Variants in HFM1 observed in about 807,000 individuals in gnomAD.
HFM1 encodes the protein probable ATP-dependent DNA helicase HFM1.
Under a neutral mutation model 192.1 loss-of-function variants are expected in HFM1, and 169 were observed. The ratio of observed to expected loss-of-function variants is 0.88; its 90% confidence interval spans 0.78 to 1.00. The LOEUF is 1.00. Among genes scored for constraint, HFM1 ranks in the 50% least tolerant of loss-of-function variants. The pLI is 0.00. For synonymous variants in HFM1, 525 were observed against 537.8 expected, an observed-to-expected ratio of 0.98 and a Z score of 0.33; for missense variants, 1,661 against 1,668.0, an observed-to-expected ratio of 1.00 and a Z score of 0.07.
intron 33 of HFM1, 76 bp from the exon 34 acceptor site, chr1:91,273,891 A>G (rs1570737154): frequency 1.3e-6 from 1 of 777,054 alleles, no homozygotes; most frequent in Non-Finnish European, 2.1e-6. Flanking sequence ...ATTTATTCAT[A>G]TAAACAAAAA....
intron 20 of HFM1, among the ~76,000 whole-genome samples, chr1:91,333,285 TCC>T (rs1301894369): frequency 6.6e-6 from 1 of 152,118 alleles, no homozygotes; most frequent in African/African-American, 2.4e-5. Context: ...AAGAATGAGA[TCC>T]TATCATTTGC....
chr1:91,265,579 AC>A lies in HFM1; in HGVS notation c.3974+437del, dbSNP rs548958789. ...AAGCCCTTACAATAAGACTTCAGCA[AC>A]AGACTTTGTGCTGTGGCCACACATA... On this transcript the variant is annotated intron_variant, in intron 36 of 38. Coordinates refer to ENST00000370425, the MANE Select transcript of HFM1 (RefSeq NM_001017975.6). Among the ~76,000 whole-genome samples the A allele has an allele frequency of 1.1e-4, 17 of 152,322 alleles. 1 individual carries two copies. The highest frequency in any genetic ancestry group is 1.1e-3 in the Admixed American group (17 of 15,294).
intron 13 of HFM1, among the ~76,000 whole-genome samples, chr1:91,364,628 A>ATTTT (rs1407868515): frequency 3.0e-3 from 178 of 59,210 alleles, no homozygotes; most frequent in East Asian, 5.1e-3. Context: ...ATATATATAT[A>ATTTT]TATATTTTTT....
chr1:91,339,217 T>G (rs2101609851), intron 20 of HFM1, among the ~76,000 whole-genome samples: 1 of 151,792 alleles, frequency 6.6e-6, no homozygotes, highest in Admixed American at 6.5e-5. Context: ...GCAAGAACCC[T>G]GGCAACTCAA....
chr1:91,398,016 T>C (rs529625731), intron 2 of HFM1, among the ~76,000 whole-genome samples: 3 of 152,300 alleles, frequency 2.0e-5, no homozygotes, highest in African/African-American at 7.2e-5. Context: ...AACCACACTA[T>C]TTGTATAAAC....
At chr1:91,394,843 C>T (rs1663457172) in intron 3 of HFM1, among the ~76,000 whole-genome samples, 1 of 151,920 alleles carries the variant, frequency 6.6e-6, no homozygotes, top group Admixed American at 6.6e-5. Flanking sequence ...AATCTTGCTT[C>T]TAAAATCAAA....
At chr1:91,341,292 A>G (rs1200700800) in intron 20 of HFM1, among the ~76,000 whole-genome samples, 1 of 152,202 alleles carries the variant, frequency 6.6e-6, no homozygotes, top group Non-Finnish European at 1.5e-5. Context: ...TTTCAAAGCC[A>G]TACAATTACA....
chr1:91,360,221 C>A (rs1571096489), intron 13 of HFM1, among the ~76,000 whole-genome samples: 1 of 152,102 alleles, frequency 6.6e-6, no homozygotes, highest in Admixed American at 6.5e-5. Flanking sequence ...TGTAAATGGG[C>A]TAAATGCCCC....
chr1:91,378,540 A>G, intron 9 of HFM1, 60 bp from the exon 10 acceptor site: 1 of 1,016,042 alleles, frequency 9.8e-7, no homozygotes, highest in Non-Finnish European at 1.5e-6. Flanking sequence ...AATAAATATT[A>G]AGATATCAAA....
At chr1:91,341,467 T>A (rs1655327106) in intron 20 of HFM1, among the ~76,000 whole-genome samples, 1 of 152,016 alleles carries the variant, frequency 6.6e-6, no homozygotes, top group South Asian at 2.1e-4. Context: ...CACTAAATGC[T>A]CACATCAAAA....
chr1:91,358,777 T>TG lies in HFM1; in HGVS notation c.1686-5479dup, dbSNP rs35928832. 3.2e-3 allele frequency among the ~76,000 whole-genome samples: 491 copies of TG among 152,220 alleles called. 1 individual carries two copies. Among genetic ancestry groups the TG allele is most frequent in the Non-Finnish European group, 3.4e-3 (231 of 68,012 alleles). ...CAAAAAAACAGTCAGACTGTTTCTTTGGGGGGGTCCCTGATCCTGTTCCAC... is the reference window on the plus strand; with the variant it reads ...CAAAAAAACAGTCAGACTGTTTCTTTGGGGGGGGTCCCTGATCCTGTTCCAC... On this transcript the variant is annotated intron_variant, in intron 13 of 38. Coordinates refer to ENST00000370425, the MANE Select transcript of HFM1 (RefSeq NM_001017975.6).
At chr1:91,287,692 T>C (rs367555) in intron 30 of HFM1, among the ~76,000 whole-genome samples, 4 of 151,844 alleles carry the variant, frequency 2.6e-5, no homozygotes, top group African/African-American at 7.3e-5. Flanking sequence ...AGAGAAGAAG[T>C]CTTCAGACGA....
intron 7 of HFM1, among the ~76,000 whole-genome samples, 174 bp downstream of exon 7, chr1:91,380,738 C>T (rs1162074255): frequency 6.6e-6 from 1 of 152,004 alleles, no homozygotes; most frequent in Non-Finnish European, 1.5e-5. Context: ...CAAACAAATC[C>T]ACCTATGAAA....
chr1:91,336,323 T>G (rs1654571825), intron 20 of HFM1, among the ~76,000 whole-genome samples: 1 of 150,166 alleles, frequency 6.7e-6, no homozygotes, highest in Non-Finnish European at 1.5e-5. Context: ...CATCCTTCCT[T>G]CCTCTCATAC....
chr1:91,300,143 A>G (rs1168505620), intron 30 of HFM1, among the ~76,000 whole-genome samples: 1 of 152,192 alleles, frequency 6.6e-6, no homozygotes, highest in African/African-American at 2.4e-5. Context: ...CCATCAGAGA[A>G]TACTATAAAC....
chr1:91,355,093 G>C (rs956717783), intron 13 of HFM1, among the ~76,000 whole-genome samples: 8 of 152,000 alleles, frequency 5.3e-5, no homozygotes, highest in Admixed American at 2.0e-4. Flanking sequence ...ATAAATTGTG[G>C]GGGGAGGGCA....
chr1:91,306,035 T>C (rs772858706), intron 30 of HFM1, among the ~76,000 whole-genome samples: 1 of 152,136 alleles, frequency 6.6e-6, no homozygotes, highest in Non-Finnish European at 1.5e-5. Flanking sequence ...AGATATTCTT[T>C]ATATTTAAGA....
intron 4 of HFM1, among the ~76,000 whole-genome samples, chr1:91,390,621 A>G (rs951814930): frequency 2.0e-5 from 3 of 152,200 alleles, no homozygotes; most frequent in Non-Finnish European, 4.4e-5. Flanking sequence ...AATAAGAGCT[A>G]TTTATGACAG....
chr1:91,306,339 A>AAAAAC (rs565935704), intron 30 of HFM1, among the ~76,000 whole-genome samples: 5 of 152,340 alleles, frequency 3.3e-5, no homozygotes, highest in South Asian at 2.1e-4. Context: ...TCTCAAAAAC[A>AAAAAC]AAAACAAAAC....
Sources: allele counts gnomAD v4.1 joint callset (sites outside exome capture counted in the v4.1 genomes callset), GRCh38; gene constraint gnomAD v4.1.1; transcripts MANE v1.5; gene names NCBI Gene and HGNC (gene_info 2026-07-23, HGNC 2026-07-21).